Variants in KBTBD11 observed in about 807,000 individuals in gnomAD.
KBTBD11 encodes the protein kelch repeat and BTB domain containing 11, also known as kelch repeat and BTB domain-containing protein 11.
For synonymous variants in KBTBD11, 747 were observed against 499.0 expected (o/e 1.50, Z -6.63); for missense variants, 1,390 against 1,001.8 (o/e 1.39, Z -5.23).
At chr8:1,978,894 C>A (rs995714495) in intron 1 of KBTBD11, among the ~76,000 whole-genome samples, 1 of 152,186 alleles carries the variant, frequency 6.6e-6, no homozygotes, top group Non-Finnish European at 1.5e-5. Context: ...TGTGAAAGTG[C>A]CTCCCTGGGT....
rs551938929 is a variant in KBTBD11 at position 2,001,346 on chromosome 8, C to A, written c.154C>A (p.Gln52Lys). 1.7e-4 allele frequency: 258 copies of A among 1,507,446 alleles called. 2 individuals carry two copies. In the South Asian group the frequency reaches 3.0e-3, roughly 17 times the overall value. The allele number at this position is 1,507,446 out of a possible 1,614,324, so 93.4% of individuals were successfully genotyped here. The change falls in exon 2 of 2, where the codon CAG (glutamine) becomes AAG (lysine). Residue 52 changes from glutamine to lysine, a missense_variant. Transcript: ENST00000320248. Reference sequence around the variant, plus strand: ...CAGCTCCGGGGAAGAGTCCCCGCCGCAGTCCCTCGCCTCAGCGGCGGAAGG... The same window carrying A: ...CAGCTCCGGGGAAGAGTCCCCGCCGAAGTCCCTCGCCTCAGCGGCGGAAGG... ...CFSSGEESPP[Q>K]SLASAAEGAA...
intron 1 of KBTBD11, among the ~76,000 whole-genome samples, chr8:1,981,322 T>A (rs1050923021): frequency 4.6e-5 from 7 of 152,160 alleles, no homozygotes; most frequent in African/African-American, 1.2e-4. Context: ...AAAAGGACAC[T>A]AATTAGTAAC....
At chr8:1,976,302 T>G (rs1816341589) in intron 1 of KBTBD11, 1 of 152,102 alleles carries the variant, frequency 6.6e-6, no homozygotes, top group Non-Finnish European at 1.5e-5. Flanking sequence ...TTTTTTCCTC[T>G]TGAAATCATT....
At chr8:1,989,503 G>C (rs1001912969) in intron 1 of KBTBD11, among the ~76,000 whole-genome samples, 19 of 152,164 alleles carry the variant, frequency 1.2e-4, no homozygotes. Context: ...GGTCCATGCA[G>C]GTGTATCGTC....
chr8:1,988,842 A>G (rs977905553), intron 1 of KBTBD11, among the ~76,000 whole-genome samples: 2 of 150,436 alleles, frequency 1.3e-5, no homozygotes, highest in African/African-American at 5.0e-5. Flanking sequence ...GTAAATGAGC[A>G]AATGAATGAA....
chr8:1,988,290 C>T (rs1238676529), intron 1 of KBTBD11, among the ~76,000 whole-genome samples: 1 of 152,196 alleles, frequency 6.6e-6, no homozygotes, highest in Non-Finnish European at 1.5e-5. Context: ...ACTTCTAGAT[C>T]CCTGAGGAAT....
rs570427761 is a variant in KBTBD11 at position 2,003,469 on chromosome 8, G to A, written c.*405G>A. The A allele has an allele frequency of 1.1e-5, 2 of 188,830 alleles. No individual in the cohort carries two copies. The highest frequency in any genetic ancestry group is 1.5e-4 in the East Asian group (1 of 6,678). The allele number at this position is 188,830 out of a possible 1,614,324, so 11.7% of individuals were successfully genotyped here. ...CTCAAGTAGGTCGCCGCGAACTATC[G>A]GGGGAAGCACGCAGAGAGGGTCACG... On this transcript the variant is annotated 3_prime_UTR_variant, in exon 2 of 2. Coordinates refer to ENST00000320248, the MANE Select transcript of KBTBD11 (RefSeq NM_014867.3).
intron 1 of KBTBD11, among the ~76,000 whole-genome samples, chr8:1,998,833 G>A (rs1817238819): frequency 6.6e-6 from 1 of 152,208 alleles, no homozygotes; most frequent in Non-Finnish European, 1.5e-5. Flanking sequence ...CTTCAGGGCT[G>A]GTGCCCTTCA....
At chr8:1,991,329 A>G (rs909363572) in intron 1 of KBTBD11, among the ~76,000 whole-genome samples, 1 of 152,216 alleles carries the variant, frequency 6.6e-6, no homozygotes, top group Non-Finnish European at 1.5e-5. Context: ...GTAAAGGATT[A>G]CAGTTTCCAA....
chr8:1,974,400 C>T (rs1436792640), intron 1 of KBTBD11: 1 of 984,318 alleles, frequency 1.0e-6, no homozygotes, highest in Non-Finnish European at 1.2e-6. Context: ...AAGCCAAGCG[C>T]GCGGGGCCAG....
Position 1,974,965 on chromosome 8 carries a change from GT to G in KBTBD11, c.-909+1032del, listed in dbSNP as rs202198797. The stretch of plus-strand genomic sequence containing the variant: ...TGAGAAGTTCGCCCGATTCCCCGCG[GT>G]TCCCGCCTCCATTTCCCACTAAGGA... On this transcript the variant is annotated intron_variant, in intron 1 of 1. Transcript: ENST00000320248. 8.3e-3 allele frequency: 1,270 copies of G among 153,134 alleles called. 6 individuals are homozygous for G. The highest frequency in any genetic ancestry group is 0.047 in the Middle Eastern group (14 of 300). 9.5% of individuals were successfully genotyped at this position (153,134 alleles called of 1,614,324 possible).
At chr8:1,997,565 C>A (rs1228008351) in intron 1 of KBTBD11, among the ~76,000 whole-genome samples, 2 of 152,250 alleles carry the variant, frequency 1.3e-5, no homozygotes, top group African/African-American at 4.8e-5. Context: ...AGACCATCTC[C>A]CGGAAGGGCT....
At chr8:1,987,922 C>T (rs1037459501) in intron 1 of KBTBD11, among the ~76,000 whole-genome samples, 5 of 152,080 alleles carry the variant, frequency 3.3e-5, no homozygotes, top group Non-Finnish European at 7.4e-5. Context: ...GTGATGTTCC[C>T]CGCCCTGTTT....
chr8:1,988,874 A>G (rs1321210477), intron 1 of KBTBD11, among the ~76,000 whole-genome samples: 3 of 149,828 alleles, frequency 2.0e-5, no homozygotes, highest in African/African-American at 7.6e-5. Context: ...AATTATCATT[A>G]TTAACATATC....
In KBTBD11 at chr8:2,003,690, C is replaced by T. The variant is rs929353237; in HGVS notation, c.*626C>T. The T allele has an allele frequency of 1.2e-5, 2 of 167,038 alleles. No individual in the cohort carries two copies. The highest frequency in any genetic ancestry group is 2.1e-4 in the South Asian group (1 of 4,830). The allele number at this position is 167,038 out of a possible 1,614,324, so 10.3% of individuals were successfully genotyped here. A position where few individuals can be genotyped will look rare whatever the true frequency, so the allele number is the denominator to read the frequency against. On this transcript the variant is annotated 3_prime_UTR_variant, in exon 2 of 2. Transcript: ENST00000320248. ...ATATGCATTGGAAGTATTTCCTTCC[C>T]CACACCATTGCTACTCAAACTCACA... is the stretch of plus-strand genomic sequence containing the variant.
rs1301217259 is a variant in KBTBD11 at position 2,002,520 on chromosome 8, G to A, written c.1328G>A (p.Arg443Gln). 2.0e-6 allele frequency: 3 copies of A among 1,529,318 alleles called. No homozygotes were observed. The highest frequency in any genetic ancestry group is 1.7e-6 in the Non-Finnish European group (2 of 1,148,926). 94.7% of individuals were successfully genotyped at this position (1,529,318 alleles called of 1,614,324 possible). A position where few individuals can be genotyped will look rare whatever the true frequency, so the allele number is the denominator to read the frequency against. ...TGGGCCCCCGTGGCGCCGCTGCCCC[G>A]GGGCGCCTTCGCCGTGGCGCATGAG... ...DRWAPVAPLP[R>Q]GAFAVAHEAT... Residue 443 changes from arginine to glutamine, a missense_variant, in exon 2 of 2, where the codon CGG becomes CAG. By Grantham distance (43) the Arg-to-Gln change is conservative. Transcript: ENST00000320248. The surrounding 1 kb of genome is among the most constrained non-coding windows in gnomAD (Gnocchi z 4.1).
chr8:1,989,000 G>A (rs1816789254), intron 1 of KBTBD11, among the ~76,000 whole-genome samples: 1 of 152,146 alleles, frequency 6.6e-6, no homozygotes, highest in South Asian at 2.1e-4. Context: ...TTTGATTTCA[G>A]TTTTAAAATG....
At chr8:1,986,021 T>G (rs1378487458) in intron 1 of KBTBD11, among the ~76,000 whole-genome samples, 1 of 152,230 alleles carries the variant, frequency 6.6e-6, no homozygotes, top group East Asian at 1.9e-4. Context: ...ACTGCACTCT[T>G]GTTTGACAGA....
In KBTBD11 at chr8:2,003,127, C is replaced by T. The variant is rs1314357618; in HGVS notation, c.*63C>T. On this transcript the variant is annotated 3_prime_UTR_variant, in exon 2 of 2. Transcript: ENST00000320248. ...TTGCGGGGCCCAGGTCCCTTTGGGC[C>T]CGCGGAGGAGGACGTGGTGGGGAGT... The T allele has an allele frequency of 8.8e-6, 11 of 1,250,522 alleles. No homozygotes were observed. Among genetic ancestry groups the T allele is most frequent in the African/African-American group, 1.6e-5 (1 of 64,246 alleles). 77.5% of individuals were successfully genotyped at this position (1,250,522 alleles called of 1,614,324 possible).
Sources: allele counts gnomAD v4.1 joint callset (sites outside exome capture counted in the v4.1 genomes callset), GRCh38; gene constraint gnomAD v4.1.1; non-coding constraint Gnocchi (gnomAD v3.1); transcripts MANE v1.5; gene names NCBI Gene and HGNC (gene_info 2026-07-23, HGNC 2026-07-21).